The following CAST variants were observed in gnomAD, a reference collection of about 807,000 sequenced individuals.
CAST encodes the protein calpastatin.
Under a neutral mutation model 119.6 loss-of-function variants are expected in CAST, and 76 were observed. The ratio of observed to expected loss-of-function variants is 0.64; its 90% CI spans 0.53 to 0.77. CAST has a LOEUF of 0.77. Ranked by LOEUF, CAST falls within the 30% of genes least tolerant of loss-of-function variation. The pLI, the probability that CAST is intolerant of heterozygous loss-of-function variation, is 0.00. For synonymous variants in CAST, 319 were observed against 331.6 expected, an observed-to-expected ratio of 0.96 and a Z score of 0.41; for missense variants, 953 against 946.5, an observed-to-expected ratio of 1.01 and a Z score of -0.09.
the CAST span, among the ~76,000 whole-genome samples, chr5:96,332,457 A>G: frequency 1.3e-5 from 2 of 152,096 alleles, no homozygotes; most frequent in African/African-American, 2.4e-5. Flanking sequence ...GATAAATAAA[A>G]TTAATATTGC....
At chr5:96,107,243 T>A in the CAST span, among the ~76,000 whole-genome samples, 1 of 152,330 alleles carries the variant, frequency 6.6e-6, no homozygotes, top group African/African-American at 2.4e-5. Context: ...AATATTGTTA[T>A]GTGTGAATTT....
At position 96,766,107 on chromosome 5, in the gene CAST, C is replaced by T; in HGVS notation, c.2092C>T (p.Pro698Ser). Residue 698 changes from proline to serine, a missense_variant, in exon 27 of 32, where the codon CCA becomes TCA. By Grantham distance (74) the Pro-to-Ser change is moderately conservative. Coordinates refer to ENST00000675179, the MANE Select transcript of CAST (RefSeq NM_001750.7). The stretch of plus-strand genomic sequence containing the variant: ...GCTTGGAGAAAGAGATGACACTATC[C>T]CACCTGAATACAGACATCTCCTGGA... ...DKLGERDDTI[P>S]PEYRHLLDDN... 1 of 1,611,110 alleles carries T rather than the reference C, an allele frequency of 6.2e-7. No individual in the cohort carries two copies. The highest frequency in any genetic ancestry group is 8.5e-7 in the Non-Finnish European group (1 of 1,177,870).
chr5:96,627,424 C>A (rs1173723455), intron 1 of CAST, among the ~76,000 whole-genome samples: 1 of 152,086 alleles, frequency 6.6e-6, no homozygotes, highest in Non-Finnish European at 1.5e-5. Context: ...ATGATCATGA[C>A]CTTTTATTTT....
At chr5:96,740,560 C>T (rs1472629013) in intron 12 of CAST, among the ~76,000 whole-genome samples, 185 bp from the exon 13 acceptor site, 1 of 152,096 alleles carries the variant, frequency 6.6e-6, no homozygotes, top group African/African-American at 2.4e-5. Flanking sequence ...AATGACCTCA[C>T]CTTTACTTGA....
the CAST span, among the ~76,000 whole-genome samples, chr5:96,027,356 G>A: frequency 2.0e-5 from 3 of 151,458 alleles, no homozygotes; most frequent in African/African-American, 4.9e-5. Context: ...AAAGATTTCA[G>A]CATTATTAAT....
At chr5:96,588,998 C>T (rs1390178028) in intron 1 of CAST, among the ~76,000 whole-genome samples, 1 of 152,122 alleles carries the variant, frequency 6.6e-6, no homozygotes, top group Non-Finnish European at 1.5e-5. Context: ...TTTGTCTTCC[C>T]ACATACTTTC....
At chr5:96,737,553 C>A (rs573553317) in intron 10 of CAST, among the ~76,000 whole-genome samples, 1 of 152,284 alleles carries the variant, frequency 6.6e-6, no homozygotes, top group South Asian at 2.1e-4. Context: ...GTCAGTGCAT[C>A]GGACTGGCAG....
the CAST span, among the ~76,000 whole-genome samples, chr5:96,130,937 AT>A: frequency 9.8e-4 from 149 of 152,236 alleles, no homozygotes; most frequent in African/African-American, 3.3e-3. Flanking sequence ...GTGAAGTGTG[AT>A]TGCTATGACC....
the CAST span, among the ~76,000 whole-genome samples, chr5:96,156,943 T>C: frequency 6.6e-6 from 1 of 152,230 alleles, no homozygotes; most frequent in Non-Finnish European, 1.5e-5. Flanking sequence ...ACTTAAGTCT[T>C]ATGTTCACAC....
the CAST span, among the ~76,000 whole-genome samples, chr5:96,113,154 A>T: frequency 2.5e-3 from 381 of 152,342 alleles, no homozygotes; most frequent in African/African-American, 8.8e-3. Context: ...GCAGGCTAGA[A>T]ATTGGATTGG....
At chr5:96,447,520 G>A in the CAST span, among the ~76,000 whole-genome samples, 1 of 152,100 alleles carries the variant, frequency 6.6e-6, no homozygotes, top group Non-Finnish European at 1.5e-5. Context: ...GCCTGCATGA[G>A]CCCTCTGTGG....
At chr5:96,457,504 G>A in the CAST span, among the ~76,000 whole-genome samples, 9 of 152,080 alleles carry the variant, frequency 5.9e-5, no homozygotes, top group South Asian at 2.1e-4. Context: ...TTCCCTCCTC[G>A]TCTCCTCCCA....
chr5:96,333,075 C>T, the CAST span, among the ~76,000 whole-genome samples: 1 of 151,884 alleles, frequency 6.6e-6, no homozygotes, highest in African/African-American at 2.4e-5. Flanking sequence ...TAGCGTCTCT[C>T]CTTGCCATTC....
chr5:96,141,694 G>T, the CAST span, among the ~76,000 whole-genome samples: 1 of 152,282 alleles, frequency 6.6e-6, no homozygotes, highest in Admixed American at 6.5e-5. Flanking sequence ...TGCTATTGTT[G>T]ATTTTATTCT....
chr5:96,393,522 A>G, the CAST span: 5 of 986,492 alleles, frequency 5.1e-6, no homozygotes, highest in African/African-American at 8.0e-5. Flanking sequence ...TGGGAGCCAC[A>G]TGGACTTGGG....
intron 1 of CAST, among the ~76,000 whole-genome samples, chr5:96,623,417 C>G (rs1458988177): frequency 1.3e-5 from 2 of 152,122 alleles, no homozygotes; most frequent in African/African-American, 4.8e-5. Flanking sequence ...GCAAATTGCC[C>G]AGTTTGAGCC....
At chr5:96,168,056 A>G in the CAST span, among the ~76,000 whole-genome samples, 1 of 152,172 alleles carries the variant, frequency 6.6e-6, no homozygotes, top group Non-Finnish European at 1.5e-5. Context: ...ATGATGACAG[A>G]ATAGAATGGG....
chr5:96,169,441 C>T, the CAST span, among the ~76,000 whole-genome samples: 1 of 152,088 alleles, frequency 6.6e-6, no homozygotes, highest in African/African-American at 2.4e-5. Flanking sequence ...GGTTTGGCAC[C>T]ATGGGGTGGG....
the CAST span, among the ~76,000 whole-genome samples, chr5:96,363,070 A>G: frequency 2.0e-5 from 3 of 147,724 alleles, no homozygotes; most frequent in Admixed American, 1.4e-4. Context: ...CAGTTTTCCC[A>G]GCACCATTTA....
Sources: allele counts gnomAD v4.1 joint callset (sites outside exome capture counted in the v4.1 genomes callset), GRCh38; gene constraint gnomAD v4.1.1; transcripts MANE v1.5; gene names NCBI Gene and HGNC (gene_info 2026-07-23, HGNC 2026-07-21).